ABCC1: variants seen among roughly 807,000 people sequenced by gnomAD.
ABCC1 encodes multidrug resistance-associated protein 1.
A neutral mutation model predicts 172.9 loss-of-function variants in ABCC1; 83 were observed. That is an observed-to-expected ratio of 0.48 (90% CI 0.40 to 0.58). The LOEUF (loss-of-function observed/expected upper bound fraction) is 0.58. Among genes scored for constraint, ABCC1 ranks in the 20% least tolerant of loss-of-function variants. The pLI is 0.00. For synonymous variants in ABCC1, 937 were observed against 825.2 expected, an observed-to-expected ratio of 1.14 and a Z score of -2.32; for missense variants, 1,817 against 2,002.7, an observed-to-expected ratio of 0.91 and a Z score of 1.77.
At chr16:16,121,857 T>G in intron 23 of ABCC1, 118 bp from the exon 24 acceptor site, 1 of 1,078,718 alleles carries the variant, frequency 9.3e-7, no homozygotes, top group Non-Finnish European at 1.4e-6. Flanking sequence ...AGCCCGGCTC[T>G]AACATTTTGC....
chr16:16,026,676 G>A (rs1043343635), intron 5 of ABCC1, among the ~76,000 whole-genome samples: 9 of 151,764 alleles, frequency 5.9e-5, no homozygotes, highest in African/African-American at 2.2e-4. Flanking sequence ...AGCGCTTTGT[G>A]AGGCCGAGAT....
intron 11 of ABCC1, among the ~76,000 whole-genome samples, chr16:16,054,121 C>T (rs2049549655): frequency 6.6e-6 from 1 of 151,938 alleles, no homozygotes; most frequent in Non-Finnish European, 1.5e-5. Context: ...ATTACAGGTG[C>T]CCACCACCAC....
intron 1 of ABCC1, among the ~76,000 whole-genome samples, chr16:15,965,657 C>T (rs762941541): frequency 2.2e-4 from 33 of 151,712 alleles, no homozygotes; most frequent in South Asian, 4.2e-4. Context: ...GAGTGCATTG[C>T]GCAATCTTGG....
chr16:15,996,907 G>A (rs183376466), intron 1 of ABCC1, among the ~76,000 whole-genome samples: 3 of 152,170 alleles, frequency 2.0e-5, no homozygotes, highest in East Asian at 1.9e-4. Flanking sequence ...AAAACATGAC[G>A]CTATGCAACA....
intron 13 of ABCC1, among the ~76,000 whole-genome samples, chr16:16,069,849 C>T (rs1269826346): frequency 6.6e-6 from 1 of 152,060 alleles, no homozygotes; most frequent in Non-Finnish European, 1.5e-5. Context: ...CATGGGGAAA[C>T]CTTGTCTCTA....
At chr16:15,956,411 C>A (rs2045999178) in intron 1 of ABCC1, among the ~76,000 whole-genome samples, 1 of 151,416 alleles carries the variant, frequency 6.6e-6, no homozygotes, top group African/African-American at 2.4e-5. Flanking sequence ...GTCTAACTTT[C>A]AACTCCCTAA....
At chr16:16,138,819 C>T (rs1247860868) in intron 30 of ABCC1, among the ~76,000 whole-genome samples, 1 of 150,698 alleles carries the variant, frequency 6.6e-6, no homozygotes. Flanking sequence ...AAGCATTTCT[C>T]CTGCCTCAGA....
At chr16:16,076,029 T>C in intron 14 of ABCC1, 1 of 452,076 alleles carries the variant, frequency 2.2e-6, no homozygotes, top group Non-Finnish European at 3.9e-6. Flanking sequence ...GTAATTCTCA[T>C]GCGGCCCCCG....
intron 11 of ABCC1, 112 bp from the exon 12 acceptor site, chr16:16,055,980 A>G (rs1424892035): frequency 2.1e-6 from 2 of 945,834 alleles, no homozygotes; most frequent in African/African-American, 3.4e-5. Flanking sequence ...TATAAAAAAC[A>G]TTTACATGTC....
At chr16:16,034,023 C>CTTTTTTTTTTTTTTTTTTTT (rs10580146) in intron 6 of ABCC1, among the ~76,000 whole-genome samples, 1 of 86,830 alleles carries the variant, frequency 1.2e-5, no homozygotes, top group Non-Finnish European at 2.1e-5. Context: ...TAAGCATCAT[C>CTTTTTTTTTTTTTTTTTTTT]TTTTTTTTTT....
chr16:15,980,671 A>G (rs190193769), intron 1 of ABCC1, among the ~76,000 whole-genome samples: 5 of 152,300 alleles, frequency 3.3e-5, no homozygotes, highest in Admixed American at 2.6e-4. Context: ...ACAATTCAAG[A>G]TAAGATTTGG....
intron 18 of ABCC1, among the ~76,000 whole-genome samples, chr16:16,089,748 G>T (rs577018122): frequency 1.3e-5 from 2 of 150,998 alleles, no homozygotes; most frequent in Admixed American, 6.6e-5. Context: ...GTGGTGGCGG[G>T]CGCATGTAAT....
rs188971203 is a variant in ABCC1, at chr16:16,105,657, G to A, written c.2736-1081G>A. 1.8e-4 allele frequency among the ~76,000 whole-genome samples: 28 copies of A among 152,020 alleles called. 1 individual carries two copies. In the East Asian group the frequency reaches 5.0e-3, roughly 27 times the overall value. ...TAGAGGAAAGTATAGAAATTTCCAC[G>A]GCAGTGAGCCGCAGCTGTGTTTTGC... On this transcript the variant is annotated intron_variant, in intron 20 of 30. Coordinates refer to ENST00000399410, the MANE Select transcript of ABCC1 (RefSeq NM_004996.4).
chr16:16,142,262 C>T lies in ABCC1; in HGVS notation c.*981C>T, dbSNP rs1328519859. ...CCAGCTGGAAGGTACTATGCCAGTC[C>T]TAGCAGAAAAATGTGTTAGGGGCCT... is the stretch of plus-strand genomic sequence containing the variant. On this transcript the variant is annotated 3_prime_UTR_variant, in exon 31 of 31. Coordinates refer to ENST00000399410, the MANE Select transcript of ABCC1 (RefSeq NM_004996.4). The T allele has an allele frequency of 6.6e-6, 1 of 152,204 alleles. No individual in the cohort carries two copies. The highest frequency in any genetic ancestry group is 1.5e-5 in the Non-Finnish European group (1 of 68,044). The allele number at this position is 152,204 out of a possible 1,614,324, so 9.4% of individuals were successfully genotyped here. A position where few individuals can be genotyped will look rare whatever the true frequency, so the allele number is the denominator to read the frequency against.
chr16:16,079,854 C>T (rs1326570116), intron 16 of ABCC1, among the ~76,000 whole-genome samples: 3 of 151,242 alleles, frequency 2.0e-5, no homozygotes, highest in South Asian at 2.1e-4. Context: ...GGCTCTGTCC[C>T]GCAGGCTGGA....
At position 15,965,967 on chromosome 16, in the gene ABCC1, T is replaced by C. The variant is rs375790244; in HGVS notation, c.48+16168T>C. The stretch of plus-strand genomic sequence containing the variant: ...CGTATTGGCTTATTTCCTTAGATGA[T>C]GTTCTCAGGAGTGGAATGAATAACA... On this transcript the variant is annotated intron_variant, in intron 1 of 30. Coordinates refer to ENST00000399410, the MANE Select transcript of ABCC1 (RefSeq NM_004996.4). Among the ~76,000 whole-genome samples the C allele has an allele frequency of 5.9e-5, 9 of 152,276 alleles. No homozygotes were observed. In the South Asian group the frequency reaches 1.9e-3, roughly 32 times the overall value.
At chr16:16,110,009 T>C (rs1302224779) in intron 21 of ABCC1, among the ~76,000 whole-genome samples, 1 of 152,132 alleles carries the variant, frequency 6.6e-6, no homozygotes, top group East Asian at 1.9e-4. Flanking sequence ...GTGCCTTCTC[T>C]CAGTTCCCCA....
intron 5 of ABCC1, among the ~76,000 whole-genome samples, chr16:16,029,185 G>T (rs1337267093): frequency 6.6e-6 from 1 of 152,140 alleles, no homozygotes; most frequent in African/African-American, 2.4e-5. Context: ...ACATAAAGTA[G>T]ACAGCCTAGG....
chr16:16,127,456 C>A (rs531654496), intron 26 of ABCC1, among the ~76,000 whole-genome samples: 23 of 152,314 alleles, frequency 1.5e-4, no homozygotes, highest in African/African-American at 4.8e-4. Flanking sequence ...GCCTTGGCCT[C>A]CCAAAGTGCT....
Sources: gnomAD v4.1 joint callset for allele counts (sites outside exome capture counted in the v4.1 genomes callset) on GRCh38, gnomAD v4.1.1 for gene constraint, MANE v1.5 for transcripts, NCBI Gene and HGNC (gene_info 2026-07-23, HGNC 2026-07-21) for gene names.